Variants in TOX3 observed in about 807,000 individuals in gnomAD.
The protein encoded by TOX3 is CAG trinucleotide repeat-containing gene F9 protein.
In TOX3, 22 loss-of-function variants were observed where a neutral mutation model predicts 64.3. The observed-to-expected ratio is 0.34, with a 90% CI of 0.24 to 0.49. The LOEUF is 0.49. Ranked by LOEUF, TOX3 falls within the 20% of genes least tolerant of loss-of-function variation. The probability of loss-of-function intolerance (pLI) is 0.99; values close to 1 mark genes in which losing one functional copy is unlikely to be tolerated. For synonymous variants in TOX3, 291 were observed against 273.6 expected (o/e 1.06, Z -0.63); for missense variants, 661 against 714.4 (o/e 0.93, Z 0.85).
chr16:52,506,561 C>A (rs1962167577), intron 1 of TOX3, among the ~76,000 whole-genome samples: 2 of 151,978 alleles, frequency 1.3e-5, no homozygotes, highest in African/African-American at 4.8e-5. Context: ...GGTTTCTAGA[C>A]AGGAATAGAA....
At chr16:52,515,289 A>G (rs982413626) in intron 1 of TOX3, among the ~76,000 whole-genome samples, 4 of 151,982 alleles carry the variant, frequency 2.6e-5, no homozygotes, top group Non-Finnish European at 4.4e-5. Context: ...GTTTGGCCAG[A>G]TAGTATGGTT....
At chr16:52,529,359 A>AT (rs1270381518) in intron 1 of TOX3, among the ~76,000 whole-genome samples, 11 of 151,562 alleles carry the variant, frequency 7.3e-5, no homozygotes, top group Admixed American at 6.6e-5. Flanking sequence ...AGTAGGCTTT[A>AT]TTTTTTTTTA....
chr16:52,480,273 C>G (rs924953126), intron 1 of TOX3, among the ~76,000 whole-genome samples: 1 of 152,164 alleles, frequency 6.6e-6, no homozygotes, highest in Admixed American at 6.5e-5. Context: ...TCAGGTGAAC[C>G]ACTGTTATTA....
intron 1 of TOX3, among the ~76,000 whole-genome samples, chr16:52,482,296 A>G (rs1343961584): frequency 6.6e-6 from 1 of 152,196 alleles, no homozygotes; most frequent in East Asian, 1.9e-4. Flanking sequence ...GTCACTGCAT[A>G]CTAATACATT....
chr16:52,475,945 A>G (rs1961195548), intron 1 of TOX3, among the ~76,000 whole-genome samples: 1 of 152,216 alleles, frequency 6.6e-6, no homozygotes, highest in Non-Finnish European at 1.5e-5. Context: ...ATATTTGAGA[A>G]CGACTAGCCT....
chr16:52,514,485 A>T (rs1962391297), intron 1 of TOX3, among the ~76,000 whole-genome samples: 3 of 152,232 alleles, frequency 2.0e-5, no homozygotes, highest in South Asian at 2.1e-4. Context: ...CCATTTAAGA[A>T]ATGAGAAAAA....
intron 3 of TOX3, among the ~76,000 whole-genome samples, chr16:52,454,399 TAGACTATTTTTAA>T (rs1960452662): frequency 6.6e-6 from 1 of 152,172 alleles, no homozygotes; most frequent in African/African-American, 2.4e-5. Flanking sequence ...CAAGGGCCTC[TAGACTATTTTTAA>T]AGTAACCTCT....
intron 2 of TOX3, 115 bp downstream of exon 2, chr16:52,468,394 A>G (rs1242034849): frequency 2.4e-6 from 2 of 841,676 alleles, no homozygotes; most frequent in Non-Finnish European, 3.7e-6. Flanking sequence ...CAAAGTAGTT[A>G]CCTTGTGCCA....
intron 4 of TOX3, 105 bp from the exon 5 acceptor site, chr16:52,446,326 A>T: frequency 8.4e-7 from 1 of 1,187,470 alleles, no homozygotes; most frequent in South Asian, 1.6e-5. Flanking sequence ...GTTAGGCATC[A>T]TCAACAGATG....
chr16:52,440,848 C>T (rs1959957747), intron 6 of TOX3, among the ~76,000 whole-genome samples: 1 of 145,444 alleles, frequency 6.9e-6, no homozygotes, highest in Admixed American at 7.2e-5. Context: ...GCAACCTCTG[C>T]CTCCTGGGTT....
In TOX3 at chr16:52,439,709, A is replaced by C. The variant is rs1959890016; in HGVS notation, c.1247T>G (p.Ile416Arg). ...AACCATGGTCGTTCCCATGGAGCTT[A>C]TCAGTGGAGCCCCAATGTTCGAGGG... The part of the protein sequence containing the change: ...NMPSNIGAPL[I>R]SSMGTTMVGS... The change falls in exon 7 of 7, where the codon ATA (isoleucine) becomes AGA (arginine). Residue 416 changes from isoleucine to arginine, a missense_variant. Physicochemically the swap from Ile to Arg is moderately conservative, Grantham distance 97 (BLOSUM62 -3). Coordinates refer to ENST00000219746, the MANE Select transcript of TOX3 (RefSeq NM_001080430.4). 1 of 1,613,992 alleles carries C rather than the reference A, an allele frequency of 6.2e-7. No homozygotes were observed. The highest frequency in any genetic ancestry group is 8.5e-7 in the Non-Finnish European group (1 of 1,179,898).
chr16:52,498,870 AGGATG>A (rs953849675), intron 1 of TOX3, among the ~76,000 whole-genome samples: 4 of 152,230 alleles, frequency 2.6e-5, no homozygotes, highest in Admixed American at 2.6e-4. Flanking sequence ...ATTCAAATGA[AGGATG>A]TACGCGGGGC....
Position 52,546,644 on chromosome 16 carries a change from T to C in TOX3, c.80A>G (p.Tyr27Cys), listed in dbSNP as rs780213350. ...CCGGCCCAGCCCGGTCACCTTGCTG[T>C]AGCCGTAGTACCCCAGGCACTGCGC... ...DFAQCLGYYGYSKFGNNNNYM... is the reference protein window; with the variant it reads ...DFAQCLGYYGCSKFGNNNNYM... Residue 27 changes from tyrosine to cysteine, a missense_variant, in exon 1 of 7, where the codon TAC becomes TGC. This residue lies in a region of TOX3 where 259 missense variants were observed against 261.2 expected (regional missense o/e 0.99). Transcript: ENST00000219746. 1 of 1,540,312 alleles carries C rather than the reference T, an allele frequency of 6.5e-7. No individual in the cohort carries two copies. Among genetic ancestry groups the C allele is most frequent in the South Asian group, 1.2e-5 (1 of 83,796 alleles).
chr16:52,510,572 A>G (rs1488631019), intron 1 of TOX3, among the ~76,000 whole-genome samples: 1 of 151,996 alleles, frequency 6.6e-6, no homozygotes, highest in Admixed American at 6.6e-5. Flanking sequence ...CCTGGCCAAC[A>G]TGGTGAAATC....
intron 1 of TOX3, among the ~76,000 whole-genome samples, chr16:52,485,156 T>C (rs1961483681): frequency 6.7e-6 from 1 of 150,156 alleles, no homozygotes; most frequent in African/African-American, 2.5e-5. Flanking sequence ...TGTGTGTGTA[T>C]ATATACATGT....
intron 1 of TOX3, among the ~76,000 whole-genome samples, chr16:52,520,560 C>T (rs1179447312): frequency 6.6e-6 from 1 of 152,238 alleles, no homozygotes; most frequent in Non-Finnish European, 1.5e-5. Flanking sequence ...CAGGTCCACA[C>T]TCTTCCTTAT....
In TOX3 at chr16:52,546,640, G is replaced by T; in HGVS notation, c.84C>A (p.Ser28Arg). 1.3e-6 allele frequency: 2 copies of T among 1,540,426 alleles called. No homozygotes were observed. Among genetic ancestry groups the T allele is most frequent in the Non-Finnish European group, 1.7e-6 (2 of 1,146,010 alleles). Reference protein sequence around the residue: ...FAQCLGYYGYSKFGNNNNYMN... With the variant: ...FAQCLGYYGYRKFGNNNNYMN... ...CCCACCGGCCCAGCCCGGTCACCTT[G>T]CTGTAGCCGTAGTACCCCAGGCACT... Residue 28 changes from serine (S) to arginine (R), a missense_variant, in exon 1 of 7, where the codon AGC becomes AGA. Physicochemically the swap from Ser to Arg is moderately radical, Grantham distance 110. Coordinates refer to ENST00000219746, the MANE Select transcript of TOX3 (RefSeq NM_001080430.4).
intron 1 of TOX3, among the ~76,000 whole-genome samples, chr16:52,496,913 TAA>T (rs11287146): frequency 9.9e-4 from 147 of 148,802 alleles, no homozygotes; most frequent in African/African-American, 2.4e-3. Flanking sequence ...ATTTATTTGT[TAA>T]AAAAAAAAAG....
rs1963205197 is a variant in TOX3, at chr16:52,546,795, G to T, written c.-72C>A. 5 of 1,387,530 alleles carry T rather than the reference G, an allele frequency of 3.6e-6. No individual in the cohort carries two copies. The highest frequency in any genetic ancestry group is 2.6e-4 in the Middle Eastern group (1 of 3,830). 86.0% of individuals were successfully genotyped at this position (1,387,530 alleles called of 1,614,324 possible). A position where few individuals can be genotyped will look rare whatever the true frequency, so the allele number is the denominator to read the frequency against. On this transcript the variant is annotated 5_prime_UTR_variant, in exon 1 of 7. Coordinates refer to ENST00000219746, the MANE Select transcript of TOX3 (RefSeq NM_001080430.4). Reference sequence around the variant, plus strand: ...GGCCGGGACCCGCCTCCTCGCCGCCGCTAGATCCACCGTCGAGGGCGCCCG... The same window carrying T: ...GGCCGGGACCCGCCTCCTCGCCGCCTCTAGATCCACCGTCGAGGGCGCCCG...
Sources: gnomAD v4.1 joint callset for allele counts (sites outside exome capture counted in the v4.1 genomes callset) on GRCh38, gnomAD v4.1.1 for gene constraint, gnomAD v4.1.1 regional missense constraint, MANE v1.5 for transcripts, NCBI Gene and HGNC (gene_info 2026-07-23, HGNC 2026-07-21) for gene names.